Variants in SUGCT observed in about 807,000 individuals in gnomAD.
The protein encoded by SUGCT is succinyl-CoA:glutarate-CoA transferase.
A neutral mutation model predicts 55.0 loss-of-function variants in SUGCT; 41 were observed. That is an observed-to-expected ratio of 0.74 (90% CI 0.58 to 0.97). The LOEUF (loss-of-function observed/expected upper bound fraction) is 0.97. Among genes scored for constraint, SUGCT ranks in the 50% least tolerant of loss-of-function variants. The pLI, the probability that SUGCT is intolerant of heterozygous loss-of-function variation, is 0.00. For missense variants in SUGCT, 568 were observed against 547.8 expected (o/e 1.04, Z -0.37); for synonymous variants, 187 against 200.4 (o/e 0.93, Z 0.56).
intron 12 of SUGCT, among the ~76,000 whole-genome samples, chr7:40,544,924 A>C (rs1177814257): frequency 1.3e-5 from 2 of 152,142 alleles, no homozygotes. Context: ...GTAAATATGG[A>C]AAGAGGGCAT....
chr7:40,517,845 A>T (rs1793329471), intron 12 of SUGCT, among the ~76,000 whole-genome samples: 1 of 152,082 alleles, frequency 6.6e-6, no homozygotes, highest in African/African-American at 2.4e-5. Context: ...CCTTCTACCC[A>T]TCCCGGTAGA....
chr7:40,695,467 G>A (rs1041358688), intron 12 of SUGCT, among the ~76,000 whole-genome samples: 3 of 151,922 alleles, frequency 2.0e-5, no homozygotes, highest in Non-Finnish European at 2.9e-5. Context: ...CAAAGTGTTG[G>A]GATTACAGAC....
chr7:40,541,294 T>C (rs1794663907), intron 12 of SUGCT, among the ~76,000 whole-genome samples: 1 of 152,146 alleles, frequency 6.6e-6, no homozygotes, highest in African/African-American at 2.4e-5. Flanking sequence ...AATGTAGAGA[T>C]GTGGGGGCCA....
chr7:40,357,742 CTTT>C (rs1446660444), intron 9 of SUGCT, among the ~76,000 whole-genome samples: 1 of 150,828 alleles, frequency 6.6e-6, no homozygotes, highest in Non-Finnish European at 1.5e-5. Flanking sequence ...TTTTTCTTTT[CTTT>C]TTTGTCTTTT....
chr7:40,773,112 T>G (rs976607765), intron 13 of SUGCT, among the ~76,000 whole-genome samples: 5 of 152,092 alleles, frequency 3.3e-5, no homozygotes, highest in African/African-American at 1.2e-4. Context: ...GACCTTTTTA[T>G]TAATAATTTT....
Position 40,364,518 on chromosome 7 carries a change from A to G in SUGCT, c.816+47663A>G, listed in dbSNP as rs1252709260. Among the ~76,000 whole-genome samples, 9 of 152,284 alleles carry G rather than the reference A, an allele frequency of 5.9e-5. No individual in the cohort carries two copies. The East Asian group carries it at 1.4e-3, about 23-fold the overall frequency. ...CTTGTAGGGCAGGCCTGGTGGTGAC[A>G]AAATCTCTCAGCATTTGCTTGTCTG... is the stretch of plus-strand genomic sequence containing the variant. On this transcript the variant is annotated intron_variant, in intron 9 of 13. Coordinates refer to ENST00000335693, the MANE Select transcript of SUGCT (RefSeq NM_001193313.2).
At position 40,376,987 on chromosome 7, in the gene SUGCT, G is replaced by A. The variant is rs1031816146; in HGVS notation, c.816+60132G>A. Among the ~76,000 whole-genome samples the A allele has an allele frequency of 3.3e-5, 5 of 151,010 alleles. No individual in the cohort carries two copies. In the East Asian group the frequency reaches 9.9e-4, roughly 30 times the overall value. On this transcript the variant is annotated intron_variant, in intron 9 of 13. Coordinates refer to ENST00000335693, the MANE Select transcript of SUGCT (RefSeq NM_001193313.2). ...AAAAATTTTGTGCCAATTTCTAATG[G>A]TCTTCATGGTTTTTGGTAGGAAATC...
intron 13 of SUGCT, among the ~76,000 whole-genome samples, chr7:40,772,629 A>ATCTATCTATCTC (rs1554418170): frequency 1.6e-5 from 2 of 126,612 alleles, no homozygotes; most frequent in Admixed American, 8.3e-5. Flanking sequence ...CTATCTATCT[A>ATCTATCTATCTC]TCTCTATCAT....
chr7:40,280,516 A>G (rs1443286871), intron 8 of SUGCT, among the ~76,000 whole-genome samples: 1 of 152,180 alleles, frequency 6.6e-6, no homozygotes, highest in Non-Finnish European at 1.5e-5. Flanking sequence ...TAGTTTTTTT[A>G]GCACCATAAT....
intron 8 of SUGCT, among the ~76,000 whole-genome samples, chr7:40,291,364 A>T (rs1793746498): frequency 6.6e-6 from 1 of 150,948 alleles, no homozygotes; most frequent in African/African-American, 2.4e-5. Context: ...AGGGACATGG[A>T]TGAAACTGGA....
the SUGCT span, among the ~76,000 whole-genome samples, chr7:40,911,126 C>T: frequency 1.3e-5 from 2 of 152,118 alleles, no homozygotes; most frequent in Non-Finnish European, 2.9e-5. Flanking sequence ...AATGCTTATC[C>T]CAAAGTAGCC....
chr7:40,688,650 A>C (rs1483398024), intron 12 of SUGCT, among the ~76,000 whole-genome samples: 1 of 152,092 alleles, frequency 6.6e-6, no homozygotes, highest in Non-Finnish European at 1.5e-5. Flanking sequence ...AAGGAAATAC[A>C]CTCAAGTCTT....
At chr7:40,993,852 A>G in the SUGCT span, among the ~76,000 whole-genome samples, 1 of 152,208 alleles carries the variant, frequency 6.6e-6, no homozygotes, top group Non-Finnish European at 1.5e-5. Context: ...ATCAAGTAGC[A>G]CAAGTTTTCT....
At chr7:40,142,461 T>C (rs1009793486) in intron 1 of SUGCT, among the ~76,000 whole-genome samples, 2 of 152,184 alleles carry the variant, frequency 1.3e-5, no homozygotes, top group Admixed American at 6.5e-5. Flanking sequence ...AGGCAGAGAA[T>C]AGTTAAGGGA....
intron 12 of SUGCT, among the ~76,000 whole-genome samples, chr7:40,668,408 A>G (rs1395763314): frequency 6.6e-6 from 1 of 152,196 alleles, no homozygotes. Flanking sequence ...TGAAGTATTT[A>G]CCAAAATATT....
At chr7:40,214,003 AG>A (rs1331239879) in intron 6 of SUGCT, among the ~76,000 whole-genome samples, 3 of 152,178 alleles carry the variant, frequency 2.0e-5, no homozygotes, top group Non-Finnish European at 4.4e-5. Context: ...CAAGGTAGAT[AG>A]ATATTATTAT....
chr7:40,258,799 A>G (rs1791010392), intron 7 of SUGCT, among the ~76,000 whole-genome samples: 1 of 152,190 alleles, frequency 6.6e-6, no homozygotes, highest in African/African-American at 2.4e-5. Context: ...TTAAAAGTAG[A>G]ACAACTATAT....
the SUGCT span, among the ~76,000 whole-genome samples, chr7:40,985,783 TAGAA>T: frequency 6.6e-6 from 1 of 152,198 alleles, no homozygotes; most frequent in East Asian, 1.9e-4. Flanking sequence ...ATCTGTATCT[TAGAA>T]AGATCACTCT....
At chr7:40,958,476 T>G in the SUGCT span, among the ~76,000 whole-genome samples, 1 of 151,956 alleles carries the variant, frequency 6.6e-6, no homozygotes, top group East Asian at 2.0e-4. Flanking sequence ...TGTGTATGCT[T>G]CACGAAGTTC....
Sources: gnomAD v4.1 joint callset for allele counts (sites outside exome capture counted in the v4.1 genomes callset) on GRCh38, gnomAD v4.1.1 for gene constraint, MANE v1.5 for transcripts, NCBI Gene and HGNC (gene_info 2026-07-23, HGNC 2026-07-21) for gene names.